The following CTNNA3 variants were observed in gnomAD, a reference collection of about 807,000 sequenced individuals.
CTNNA3 encodes the protein catenin alpha 3, also known as catenin alpha-3.
A neutral mutation model predicts 95.7 loss-of-function variants in CTNNA3; 76 were observed. That is an observed-to-expected ratio of 0.79 (90% CI 0.66 to 0.96). CTNNA3 has a LOEUF of 0.96. Ranked by LOEUF, CTNNA3 falls within the 40% of genes least tolerant of loss-of-function variation. CTNNA3 has a pLI of 0.00. For synonymous variants in CTNNA3, 431 were observed against 374.4 expected (o/e 1.15, Z -1.74); for missense variants, 1,191 against 1,089.8 (o/e 1.09, Z -1.31).
At chr10:66,601,540 A>G (rs1454193689) in intron 10 of CTNNA3, among the ~76,000 whole-genome samples, 3 of 151,840 alleles carry the variant, frequency 2.0e-5, no homozygotes, top group African/African-American at 7.2e-5. Context: ...CTGGATCTCA[A>G]TGTAGTTCTG....
chr10:66,155,238 T>C (rs1564707493), intron 13 of CTNNA3, among the ~76,000 whole-genome samples: 1 of 151,918 alleles, frequency 6.6e-6, no homozygotes, highest in Non-Finnish European at 1.5e-5. Context: ...AACTCTTGTA[T>C]CTTAACAGTA....
At chr10:67,191,884 TA>T (rs1257776555) in intron 6 of CTNNA3, among the ~76,000 whole-genome samples, 1 of 151,806 alleles carries the variant, frequency 6.6e-6, no homozygotes, top group African/African-American at 2.4e-5. Context: ...AGTACTAGCA[TA>T]AAAACATACA....
At chr10:66,581,801 T>G (rs371094229) in intron 10 of CTNNA3, among the ~76,000 whole-genome samples, 51 of 151,732 alleles carry the variant, frequency 3.4e-4, no homozygotes, top group African/African-American at 1.0e-3. Context: ...TCTTTAGGTC[T>G]TTAGTCAAGG....
intron 13 of CTNNA3, among the ~76,000 whole-genome samples, chr10:66,233,764 C>T (rs1227162434): frequency 6.6e-6 from 1 of 152,096 alleles, no homozygotes; most frequent in Admixed American, 6.6e-5. Flanking sequence ...TCTTCTAAAG[C>T]TAAATATGTT....
At chr10:66,112,869 C>T (rs997915972) in intron 13 of CTNNA3, among the ~76,000 whole-genome samples, 23 of 152,174 alleles carry the variant, frequency 1.5e-4, no homozygotes, top group African/African-American at 4.8e-4. Context: ...ACCCTTTCAT[C>T]TGTCAATGAA....
chr10:67,346,113 A>T (rs1170896076), intron 5 of CTNNA3, among the ~76,000 whole-genome samples: 1 of 152,202 alleles, frequency 6.6e-6, no homozygotes, highest in African/African-American at 2.4e-5. Flanking sequence ...ACAAAAAGAA[A>T]ACTAATAAAA....
In CTNNA3 at chr10:67,161,423, G is replaced by C. The variant is rs143714068; in HGVS notation, c.1047+18894C>G. On this transcript the variant is annotated intron_variant, in intron 7 of 17. Coordinates refer to ENST00000433211, the MANE Select transcript of CTNNA3 (RefSeq NM_013266.4). ...ATGAGTGAGATAAAATTACATAAAG[G>C]GTTCTACATTTTCCTCAAACTGGTA... 2.0e-3 allele frequency among the ~76,000 whole-genome samples: 296 copies of C among 150,824 alleles called. 1 individual carries two copies. Among genetic ancestry groups the C allele is most frequent in the African/African-American group, 6.8e-3 (280 of 41,184 alleles).
At chr10:66,795,152 A>G (rs1211390095) in intron 7 of CTNNA3, among the ~76,000 whole-genome samples, 1 of 152,168 alleles carries the variant, frequency 6.6e-6, no homozygotes, top group African/African-American at 2.4e-5. Context: ...AATGGCATCT[A>G]AAATAGTGAA....
intron 13 of CTNNA3, among the ~76,000 whole-genome samples, chr10:66,129,550 ACGTGAACTCTGCAGGGCGGTCTTGCCT>A (rs2082988930): frequency 2.6e-5 from 4 of 152,242 alleles, no homozygotes; most frequent in African/African-American, 9.6e-5. Context: ...GAACTGTTGA[ACGTGAACTCTGCAGGGCGGTCTTGCCT>A]CTGAGATGGG....
intron 16 of CTNNA3, among the ~76,000 whole-genome samples, chr10:65,974,506 C>T (rs2078172071): frequency 6.6e-6 from 1 of 152,034 alleles, no homozygotes; most frequent in Non-Finnish European, 1.5e-5. Context: ...ACTCAAATAC[C>T]ATATGTTCTT....
intron 13 of CTNNA3, among the ~76,000 whole-genome samples, chr10:66,130,262 A>G (rs2083024715): frequency 1.3e-5 from 2 of 152,162 alleles, no homozygotes; most frequent in Non-Finnish European, 2.9e-5. Context: ...TCAAAAAGTT[A>G]GAAAGATCTC....
intron 13 of CTNNA3, among the ~76,000 whole-genome samples, chr10:66,136,259 A>C (rs752131200): frequency 1.3e-5 from 2 of 152,210 alleles, no homozygotes; most frequent in Non-Finnish European, 2.9e-5. Context: ...GCATATAATA[A>C]ATCAATTCTC....
intron 17 of CTNNA3, among the ~76,000 whole-genome samples, chr10:65,961,685 T>C (rs1488830004): frequency 1.3e-5 from 2 of 151,788 alleles, no homozygotes; most frequent in Non-Finnish European, 2.9e-5. Flanking sequence ...CAAACAAACA[T>C]ACAAAATTTA....
intron 5 of CTNNA3, among the ~76,000 whole-genome samples, chr10:67,380,226 T>A (rs1843884902): frequency 6.6e-6 from 1 of 152,230 alleles, no homozygotes; most frequent in Admixed American, 6.5e-5. Flanking sequence ...ATGGATCAGA[T>A]AAAGTTCTAA....
intron 10 of CTNNA3, among the ~76,000 whole-genome samples, chr10:66,545,732 T>C (rs1842015906): frequency 2.6e-5 from 4 of 152,024 alleles, no homozygotes; most frequent in African/African-American, 9.6e-5. Context: ...CTGGAGAGAA[T>C]ACAGTTGTGT....
intron 1 of CTNNA3, among the ~76,000 whole-genome samples, chr10:67,742,780 G>T (rs1161495467): frequency 6.6e-6 from 1 of 150,998 alleles, no homozygotes; most frequent in African/African-American, 2.4e-5. Context: ...AGAAAAGAGA[G>T]AAGAATCAAA....
At chr10:67,513,970 T>C (rs1839724351) in intron 5 of CTNNA3, among the ~76,000 whole-genome samples, 1 of 152,200 alleles carries the variant, frequency 6.6e-6, no homozygotes, top group Non-Finnish European at 1.5e-5. Flanking sequence ...TGTGGCCTTG[T>C]ACAAGATATT....
At chr10:67,676,067 C>T (rs1268030337) in intron 1 of CTNNA3, among the ~76,000 whole-genome samples, 1 of 151,768 alleles carries the variant, frequency 6.6e-6, no homozygotes, top group African/African-American at 2.4e-5. Flanking sequence ...GCCGAGGCAC[C>T]CAAGTTAAGT....
In CTNNA3 at chr10:67,460,066, C is replaced by G. The variant is rs527494579; in HGVS notation, c.579+61776G>C. ...ATAATAAGATTAAAGCATGTGAGTG[C>G]TCTAGGCAGGCTAATGACATGGTAT... On this transcript the variant is annotated intron_variant, in intron 5 of 17. Transcript: ENST00000433211. 4.6e-5 allele frequency among the ~76,000 whole-genome samples: 7 copies of G among 152,238 alleles called. No individual in the cohort carries two copies. The South Asian group carries it at 1.4e-3, about 32-fold the overall frequency.
Sources: allele counts gnomAD v4.1 joint callset (sites outside exome capture counted in the v4.1 genomes callset), GRCh38; gene constraint gnomAD v4.1.1; transcripts MANE v1.5; gene names NCBI Gene and HGNC (gene_info 2026-07-23, HGNC 2026-07-21).